Variants in ZBTB44 observed in about 807,000 individuals in gnomAD.
The protein encoded by ZBTB44 is zinc finger and BTB domain-containing protein 44.
ZBTB44 carries 15 observed loss-of-function variants against 54.0 expected under a neutral mutation model. That is an observed-to-expected ratio of 0.28 (90% confidence interval 0.19 to 0.43). ZBTB44 has a LOEUF of 0.43. Among genes scored for constraint, ZBTB44 ranks in the 20% least tolerant of loss-of-function variants. The pLI is 1.00. For synonymous variants in ZBTB44, 230 were observed against 250.1 expected, an observed-to-expected ratio of 0.92 and a Z score of 0.76; for missense variants, 487 against 707.1, an observed-to-expected ratio of 0.69 and a Z score of 3.53.
chr11:130,304,207 C>T (rs1372777029), intron 1 of ZBTB44, among the ~76,000 whole-genome samples: 4 of 152,040 alleles, frequency 2.6e-5, no homozygotes, highest in South Asian at 2.1e-4. Context: ...TTTAGCTTAA[C>T]AGGAGATAAA....
intron 1 of ZBTB44, among the ~76,000 whole-genome samples, chr11:130,306,786 C>G (rs1592080338): frequency 6.6e-6 from 1 of 152,106 alleles, no homozygotes; most frequent in Admixed American, 6.5e-5. Flanking sequence ...TGAAGTAACT[C>G]AGGAATGGAA....
At chr11:130,313,456 T>C (rs1382698463) in intron 1 of ZBTB44, among the ~76,000 whole-genome samples, 1 of 152,186 alleles carries the variant, frequency 6.6e-6, no homozygotes, top group Admixed American at 6.5e-5. Flanking sequence ...TAGGTAAAAT[T>C]ATTATTAATC....
intron 1 of ZBTB44, among the ~76,000 whole-genome samples, chr11:130,313,054 C>G (rs1237981650): frequency 6.6e-6 from 1 of 151,936 alleles, no homozygotes; most frequent in Admixed American, 6.5e-5. Context: ...TTGTATAGAA[C>G]GAACCTCTAT....
rs376867202 is a variant in ZBTB44 at position 130,260,980 on chromosome 11, C to G, written c.894G>C (p.Glu298Asp). Reference sequence around the variant, plus strand: ...CAGGCTGGGACACTTCCTCATGGACCTCCTCATCACTTAATCTTTCTACTT... The same window carrying G: ...CAGGCTGGGACACTTCCTCATGGACGTCCTCATCACTTAATCTTTCTACTT... ...RVKVERLSDE[E>D]VHEEVSQPVS... Residue 298 changes from glutamate (E) to aspartate (D), a missense_variant, in exon 2 of 8, where the codon GAG (glutamate) becomes GAC (aspartate). Transcript: ENST00000357899. The G allele has an allele frequency of 6.8e-6, 11 of 1,613,868 alleles. No homozygotes were observed. The Admixed American group carries it at 1.3e-4, about 20-fold the overall frequency.
At chr11:130,233,218 T>C (rs1404382643) in intron 7 of ZBTB44, 90 bp downstream of exon 7, 1 of 1,481,650 alleles carries the variant, frequency 6.7e-7, no homozygotes, top group African/African-American at 1.4e-5. Context: ...AATGACACAG[T>C]CAGGCATTAC....
Position 130,237,056 on chromosome 11 carries a change from C to T in ZBTB44, c.1305G>A (p.Lys435=). The T allele has an allele frequency of 6.3e-7, 1 of 1,596,094 alleles. No homozygotes were observed. Among genetic ancestry groups the T allele is most frequent in the Middle Eastern group, 1.7e-4 (1 of 5,994 alleles). ...TCTTTAGCGAGTAAGCCCTGGTGAA[C>T]TTTTTCCCACAGCGGTCACACTGAA... ...KPFQCDRCGK[K]FTRAYSLKMH... The change falls in exon 5 of 8, where the codon AAG becomes AAA. Residue 435 remains lysine (K), a synonymous_variant. Coordinates refer to ENST00000357899, the MANE Select transcript of ZBTB44 (RefSeq NM_001301098.2).
At position 130,291,407 on chromosome 11, in the gene ZBTB44, G is replaced by A. The variant is rs1211240441; in HGVS notation, c.-57+22968C>T. Among the ~76,000 whole-genome samples the A allele has an allele frequency of 2.6e-5, 4 of 152,162 alleles. No individual in the cohort carries two copies. The East Asian group carries it at 7.7e-4, about 29-fold the overall frequency. On this transcript the variant is annotated intron_variant, in intron 1 of 7. Coordinates refer to ENST00000357899, the MANE Select transcript of ZBTB44 (RefSeq NM_001301098.2). Reference sequence around the variant, plus strand: ...CCACCTCGGCCTCCCAAAGTGCTGGGATTACAGGTGTGAGCCACCGCGCCC... The same window carrying A: ...CCACCTCGGCCTCCCAAAGTGCTGGAATTACAGGTGTGAGCCACCGCGCCC...
chr11:130,260,348 TAAG>T (rs1938771610), intron 2 of ZBTB44, among the ~76,000 whole-genome samples: 1 of 152,232 alleles, frequency 6.6e-6, no homozygotes. Context: ...ACTTATTGCA[TAAG>T]ACCCACTCAA....
intron 1 of ZBTB44, among the ~76,000 whole-genome samples, chr11:130,304,871 A>T (rs1198093914): frequency 1.3e-5 from 2 of 152,214 alleles, no homozygotes; most frequent in Non-Finnish European, 2.9e-5. Context: ...GATTCATTTG[A>T]AAAGCTCCTA....
chr11:130,294,742 A>C (rs1260775933), intron 1 of ZBTB44, among the ~76,000 whole-genome samples: 2 of 152,148 alleles, frequency 1.3e-5, no homozygotes, highest in African/African-American at 4.8e-5. Context: ...ATGGAACGGT[A>C]GGCAAAACAG....
At chr11:130,311,460 C>T (rs1490876946) in intron 1 of ZBTB44, among the ~76,000 whole-genome samples, 3 of 152,132 alleles carry the variant, frequency 2.0e-5, no homozygotes, top group Non-Finnish European at 2.9e-5. Flanking sequence ...CCTTCCACCT[C>T]GGCCTTTCAA....
At chr11:130,270,096 G>C (rs552359838) in intron 1 of ZBTB44, among the ~76,000 whole-genome samples, 6 of 152,148 alleles carry the variant, frequency 3.9e-5, no homozygotes, top group African/African-American at 1.2e-4. Context: ...TGATGAAAGA[G>C]AAAGTAATGA....
chr11:130,306,251 C>G (rs751689878), intron 1 of ZBTB44, among the ~76,000 whole-genome samples: 2 of 152,030 alleles, frequency 1.3e-5, no homozygotes, highest in African/African-American at 4.8e-5. Flanking sequence ...ACTTGTAATC[C>G]CAGCACTTTG....
At chr11:130,247,370 T>G (rs1249801610) in intron 2 of ZBTB44, among the ~76,000 whole-genome samples, 1 of 152,240 alleles carries the variant, frequency 6.6e-6, no homozygotes, top group African/African-American at 2.4e-5. Context: ...CCACCTGCCC[T>G]TGGCTGGGAT....
chr11:130,246,275 A>G (rs994131820), intron 2 of ZBTB44, among the ~76,000 whole-genome samples: 3 of 152,216 alleles, frequency 2.0e-5, no homozygotes, highest in African/African-American at 7.2e-5. Context: ...ATACACATAT[A>G]TATACACACA....
intron 1 of ZBTB44, among the ~76,000 whole-genome samples, chr11:130,265,214 G>A (rs923239446): frequency 2.6e-5 from 4 of 152,086 alleles, no homozygotes; most frequent in Admixed American, 2.6e-4. Context: ...GAAAGGAAGA[G>A]CTGCACGTTT....
At chr11:130,307,044 CAAAA>C (rs112310112) in intron 1 of ZBTB44, among the ~76,000 whole-genome samples, 1 of 71,968 alleles carries the variant, frequency 1.4e-5, no homozygotes, top group Non-Finnish European at 3.1e-5. Context: ...TATCAACATT[CAAAA>C]AAAAAAAAAA....
At chr11:130,303,149 T>C (rs1229159656) in intron 1 of ZBTB44, among the ~76,000 whole-genome samples, 1 of 152,206 alleles carries the variant, frequency 6.6e-6, no homozygotes, top group African/African-American at 2.4e-5. Context: ...AGGTTAAGAT[T>C]GGAATAAAAG....
Position 130,244,983 on chromosome 11 carries a change from T to C in ZBTB44, c.1019-5087A>G, listed in dbSNP as rs576974210. Among the ~76,000 whole-genome samples, 5 of 152,350 alleles carry C rather than the reference T, an allele frequency of 3.3e-5. No homozygotes were observed. The East Asian group carries it at 9.6e-4, about 29-fold the overall frequency. ...TTACATTTTGCCTTGACTTCTTAAATGAAGGACACCATATAGAACTTATTT... is the reference window on the plus strand; with the variant it reads ...TTACATTTTGCCTTGACTTCTTAAACGAAGGACACCATATAGAACTTATTT... On this transcript the variant is annotated intron_variant, in intron 2 of 7. Coordinates refer to ENST00000357899, the MANE Select transcript of ZBTB44 (RefSeq NM_001301098.2).
Sources: gnomAD v4.1 joint callset for allele counts (sites outside exome capture counted in the v4.1 genomes callset) on GRCh38, gnomAD v4.1.1 for gene constraint, MANE v1.5 for transcripts, NCBI Gene and HGNC (gene_info 2026-07-23, HGNC 2026-07-21) for gene names.